The following ZNF90 variants were observed in gnomAD, a reference collection of about 807,000 sequenced individuals.
ZNF90 encodes the protein zinc finger protein HTF9.
A neutral mutation model predicts 12.0 loss-of-function variants in ZNF90; 11 were observed. The ratio of observed to expected loss-of-function variants is 0.92; its 90% CI spans 0.58 to 1.52. ZNF90 has a LOEUF of 1.52. Among genes scored for constraint, ZNF90 ranks in the 40% most tolerant of loss-of-function variants. ZNF90 has a pLI of 0.00. For missense variants in ZNF90, 765 were observed against 711.5 expected, an observed-to-expected ratio of 1.08 and a Z score of -0.86; for synonymous variants, 232 against 240.1, an observed-to-expected ratio of 0.97 and a Z score of 0.31.
chr19:20,110,233 T>C (rs2089075057), intron 3 of ZNF90, among the ~76,000 whole-genome samples: 2 of 152,196 alleles, frequency 1.3e-5, no homozygotes, highest in Admixed American at 6.5e-5. Flanking sequence ...ACATATACAA[T>C]AAACATGGAT....
intron 3 of ZNF90, among the ~76,000 whole-genome samples, chr19:20,117,042 TGTGTGA>T (rs1237388179): frequency 4.1e-5 from 6 of 146,914 alleles, no homozygotes; most frequent in African/African-American, 1.2e-4. Context: ...TGTGTGTGTG[TGTGTGA>T]GAGAGAGAGA....
At position 20,106,044 on chromosome 19, in the gene ZNF90, C is replaced by CATTTTTTTTTTTTTTTTTT. The variant is rs1555704366; in HGVS notation, c.226+728_226+729insATTTTTTTTTTTTTTTTTT. ...TTATTTGGAACTTCTCTAATTTTTT[C>CATTTTTTTTTTTTTTTTTT]TTTTTTTTTTTTTTTTTTTTTTTGG... is the stretch of plus-strand genomic sequence containing the variant. On this transcript the variant is annotated intron_variant, in intron 3 of 3. Transcript: ENST00000418063. Among the ~76,000 whole-genome samples, 13 of 71,052 alleles carry CATTTTTTTTTTTTTTTTTT rather than the reference C, an allele frequency of 1.8e-4. 2 individuals carry two copies. The highest frequency in any genetic ancestry group is 5.8e-4 in the African/African-American group (11 of 18,804). 46.6% of individuals were successfully genotyped at this position (71,052 alleles called of 152,430 possible). A position where few individuals can be genotyped will look rare whatever the true frequency, so the allele number is the denominator to read the frequency against.
At chr19:20,088,267 G>T (rs559350986) in intron 1 of ZNF90, among the ~76,000 whole-genome samples, 88 of 152,172 alleles carry the variant, frequency 5.8e-4, no homozygotes, top group South Asian at 3.7e-3. Flanking sequence ...AGCGGGATTG[G>T]GGGGGCGTGG....
chr19:20,101,699 C>T (rs2088991479), intron 1 of ZNF90, among the ~76,000 whole-genome samples: 3 of 152,068 alleles, frequency 2.0e-5, no homozygotes, highest in Admixed American at 2.0e-4. Context: ...GGCATATTCT[C>T]CAGATGCAGG....
intron 1 of ZNF90, among the ~76,000 whole-genome samples, chr19:20,097,929 C>A (rs1464270199): frequency 2.6e-5 from 4 of 152,178 alleles, no homozygotes; most frequent in African/African-American, 9.7e-5. Context: ...ATATAAATTT[C>A]TGATAAACAA....
At chr19:20,098,234 G>T (rs1343205874) in intron 1 of ZNF90, among the ~76,000 whole-genome samples, 1 of 152,134 alleles carries the variant, frequency 6.6e-6, no homozygotes, top group African/African-American at 2.4e-5. Flanking sequence ...TCTGTCCTCT[G>T]CCAGGAATTT....
rs1298513674 is a variant in ZNF90 at position 20,085,422 on chromosome 19, G to A, written c.3+7287G>A. Reference sequence around the variant, plus strand: ...CTACAGGTGCCTGCCACCGCGCCCGGCTAATTTTTTTGTATTTTTAGTAGA... The same window carrying A: ...CTACAGGTGCCTGCCACCGCGCCCGACTAATTTTTTTGTATTTTTAGTAGA... On this transcript the variant is annotated intron_variant, in intron 1 of 3. Transcript: ENST00000418063. 5.9e-5 allele frequency among the ~76,000 whole-genome samples: 9 copies of A among 152,024 alleles called. No homozygotes were observed. In the East Asian group the frequency reaches 1.7e-3, roughly 29 times the overall value.
At chr19:20,107,121 C>T in intron 3 of ZNF90, 2 of 407,928 alleles carry the variant, frequency 4.9e-6, no homozygotes, top group Admixed American at 2.7e-5. Context: ...CAGAATTGGC[C>T]ATGATCTGTG....
chr19:20,084,787 T>C (rs1555701885), intron 1 of ZNF90, among the ~76,000 whole-genome samples: 1 of 152,224 alleles, frequency 6.6e-6, no homozygotes, highest in Non-Finnish European at 1.5e-5. Flanking sequence ...ATATATGTCT[T>C]CTTTTGAAAA....
chr19:20,116,635 G>A (rs1331006926), intron 3 of ZNF90, among the ~76,000 whole-genome samples: 1 of 152,144 alleles, frequency 6.6e-6, no homozygotes, highest in Non-Finnish European at 1.5e-5. Context: ...TTATAATATA[G>A]CTTTGTCCTG....
Position 20,108,320 on chromosome 19 carries a change from A to T in ZNF90, c.226+3004A>T, listed in dbSNP as rs181035307. On this transcript the variant is annotated intron_variant, in intron 3 of 3. Transcript: ENST00000418063. ...TTACTTAGACAAATTGTTAAAAAAAATTTTTTGGAGAAGTAGTTACTCTCT... is the reference window on the plus strand; with the variant it reads ...TTACTTAGACAAATTGTTAAAAAAATTTTTTTGGAGAAGTAGTTACTCTCT... 6.3e-4 allele frequency among the ~76,000 whole-genome samples: 96 copies of T among 152,252 alleles called. 2 individuals are homozygous for T. In the East Asian group the frequency reaches 0.012, roughly 19 times the overall value.
chr19:20,093,168 G>A (rs2122490212), intron 1 of ZNF90, among the ~76,000 whole-genome samples: 1 of 152,348 alleles, frequency 6.6e-6, no homozygotes, highest in Middle Eastern at 3.4e-3. Context: ...TACGGGTTGG[G>A]CACCACAGGG....
At chr19:20,078,201 G>C (rs1367280656) in intron 1 of ZNF90, 66 bp downstream of exon 1, 1 of 1,607,184 alleles carries the variant, frequency 6.2e-7, no homozygotes, top group Non-Finnish European at 8.5e-7. Context: ...GGAAGTGGCT[G>C]TGGCGGGACT....
At chr19:20,093,549 G>A (rs2088919153) in intron 1 of ZNF90, among the ~76,000 whole-genome samples, 1 of 152,146 alleles carries the variant, frequency 6.6e-6, no homozygotes, top group Non-Finnish European at 1.5e-5. Context: ...TGTAGTCCAG[G>A]AACAGTCAGG....
chr19:20,085,072 T>C (rs2088848075), intron 1 of ZNF90, among the ~76,000 whole-genome samples: 1 of 152,142 alleles, frequency 6.6e-6, no homozygotes, highest in African/African-American at 2.4e-5. Context: ...AATTTTTTAA[T>C]TTATCTTCAG....
chr19:20,117,006 C>T (rs1373605754), intron 3 of ZNF90, among the ~76,000 whole-genome samples: 3 of 118,574 alleles, frequency 2.5e-5, no homozygotes, highest in South Asian at 2.6e-4. Context: ...GAATTGGCAA[C>T]TTACATTTGT....
chr19:20,103,691 A>G (rs2089007642), intron 1 of ZNF90, among the ~76,000 whole-genome samples: 1 of 152,152 alleles, frequency 6.6e-6, no homozygotes, highest in African/African-American at 2.4e-5. Flanking sequence ...GGCCAGAAAA[A>G]CTGGGAAAAA....
At chr19:20,113,928 A>G (rs2089114139) in intron 3 of ZNF90, among the ~76,000 whole-genome samples, 1 of 152,174 alleles carries the variant, frequency 6.6e-6, no homozygotes, top group African/African-American at 2.4e-5. Context: ...AAACAATACT[A>G]ACTCTGTATT....
At chr19:20,098,821 G>A (rs1381456340) in intron 1 of ZNF90, among the ~76,000 whole-genome samples, 1 of 152,178 alleles carries the variant, frequency 6.6e-6, no homozygotes, top group South Asian at 2.1e-4. Context: ...GAGTCATCCT[G>A]TGTTTGTTCC....
Sources: allele counts gnomAD v4.1 joint callset (sites outside exome capture counted in the v4.1 genomes callset), GRCh38; gene constraint gnomAD v4.1.1; transcripts MANE v1.5; gene names NCBI Gene and HGNC (gene_info 2026-07-23, HGNC 2026-07-21).